The following LINGO2 variants were observed in gnomAD, a reference collection of about 807,000 sequenced individuals.
LINGO2 encodes the protein leucine rich repeat and Ig domain containing 2.
LINGO2 carries 14 observed loss-of-function variants against 30.6 expected under a neutral mutation model. That is an observed-to-expected ratio of 0.46 (90% CI 0.30 to 0.72). The LOEUF (loss-of-function observed/expected upper bound fraction) is 0.72, where lower values mean the gene tolerates loss of function less well. LINGO2 is among the 30% of genes least tolerant of loss of function. The pLI, the probability that LINGO2 is intolerant of heterozygous loss-of-function variation, is 0.07. For missense variants in LINGO2, 729 were observed against 751.7 expected (o/e 0.97, Z 0.35); for synonymous variants, 317 against 288.5 (o/e 1.10, Z -1.00).
chr9:28,650,605 G>A (rs1828052687), intron 1 of LINGO2, among the ~76,000 whole-genome samples: 1 of 152,016 alleles, frequency 6.6e-6, no homozygotes, highest in Non-Finnish European at 1.5e-5. Context: ...TTGTGCTTCT[G>A]ACCTCTCTGA....
At chr9:29,099,318 C>CT in the LINGO2 span, among the ~76,000 whole-genome samples, 2 of 152,106 alleles carry the variant, frequency 1.3e-5, no homozygotes, top group South Asian at 4.1e-4. Context: ...GGATGCTGGA[C>CT]TGGGCAAAGA....
chr9:29,028,541 C>T, the LINGO2 span, among the ~76,000 whole-genome samples: 2 of 152,034 alleles, frequency 1.3e-5, no homozygotes, highest in Non-Finnish European at 2.9e-5. Flanking sequence ...CTGCTACTCC[C>T]ATCAAAAGGT....
At chr9:28,905,518 A>G in the LINGO2 span, among the ~76,000 whole-genome samples, 3 of 152,056 alleles carry the variant, frequency 2.0e-5, no homozygotes, top group Non-Finnish European at 2.9e-5. Flanking sequence ...GAAGATATAG[A>G]AATGGACAAA....
chr9:28,110,316 T>C (rs1281762569), intron 4 of LINGO2, among the ~76,000 whole-genome samples: 1 of 152,130 alleles, frequency 6.6e-6, no homozygotes, highest in Non-Finnish European at 1.5e-5. Context: ...AGCAATACCA[T>C]TCAGAACATA....
chr9:28,783,160 A>C, the LINGO2 span, among the ~76,000 whole-genome samples: 1 of 152,212 alleles, frequency 6.6e-6, no homozygotes, highest in Admixed American at 6.5e-5. Flanking sequence ...ACTTAAGCTA[A>C]GATGTGTTGA....
chr9:29,163,844 A>C, the LINGO2 span, among the ~76,000 whole-genome samples: 1 of 152,180 alleles, frequency 6.6e-6, no homozygotes, highest in Non-Finnish European at 1.5e-5. Context: ...TGAATGCAAC[A>C]GTACCTCCCA....
At chr9:27,990,766 T>G (rs1019271344) in intron 5 of LINGO2, among the ~76,000 whole-genome samples, 1 of 152,094 alleles carries the variant, frequency 6.6e-6, no homozygotes, top group African/African-American at 2.4e-5. Flanking sequence ...TTAACCACTC[T>G]GATATACTAC....
At chr9:28,838,102 A>C in the LINGO2 span, among the ~76,000 whole-genome samples, 1 of 152,264 alleles carries the variant, frequency 6.6e-6, no homozygotes, top group South Asian at 2.1e-4. Flanking sequence ...CACAGGTCAA[A>C]ACTGGCTTCA....
At chr9:28,029,521 ACT>A (rs1473657194) in intron 4 of LINGO2, among the ~76,000 whole-genome samples, 3 of 152,076 alleles carry the variant, frequency 2.0e-5, no homozygotes, top group South Asian at 2.1e-4. Context: ...GAAATTTACC[ACT>A]CTGAGTACCA....
At chr9:28,124,952 T>G (rs1459776271) in intron 4 of LINGO2, among the ~76,000 whole-genome samples, 2 of 152,216 alleles carry the variant, frequency 1.3e-5, no homozygotes, top group African/African-American at 4.8e-5. Flanking sequence ...GGCTGTGTAT[T>G]ATTCACACTA....
At chr9:28,493,069 A>G (rs527889611) in intron 1 of LINGO2, among the ~76,000 whole-genome samples, 1 of 152,220 alleles carries the variant, frequency 6.6e-6, no homozygotes, top group East Asian at 1.9e-4. Context: ...TGTGTTTCTT[A>G]AAGGAAACAA....
the LINGO2 span, among the ~76,000 whole-genome samples, chr9:29,075,711 G>A: frequency 1.3e-5 from 2 of 151,970 alleles, no homozygotes; most frequent in South Asian, 2.1e-4. Flanking sequence ...TGTATGCTTC[G>A]AAGAGACAAG....
At chr9:28,101,392 C>T (rs757510830) in intron 4 of LINGO2, among the ~76,000 whole-genome samples, 3 of 152,086 alleles carry the variant, frequency 2.0e-5, no homozygotes, top group Non-Finnish European at 4.4e-5. Context: ...TAAGACAGCA[C>T]TTCAAAATAA....
At chr9:28,503,074 T>C (rs983403858) in intron 1 of LINGO2, among the ~76,000 whole-genome samples, 5 of 152,070 alleles carry the variant, frequency 3.3e-5, no homozygotes, top group Admixed American at 6.6e-5. Context: ...AAAATAAATT[T>C]GCATACTAAG....
At chr9:28,616,868 T>C (rs767345712) in intron 1 of LINGO2, among the ~76,000 whole-genome samples, 2 of 152,204 alleles carry the variant, frequency 1.3e-5, no homozygotes. Flanking sequence ...TTTTAAAGTT[T>C]CCCCTTTCAA....
At chr9:28,119,447 C>G (rs1329293838) in intron 4 of LINGO2, among the ~76,000 whole-genome samples, 1 of 152,178 alleles carries the variant, frequency 6.6e-6, no homozygotes, top group Non-Finnish European at 1.5e-5. Context: ...TATACTTGGG[C>G]AGGTTAATAC....
chr9:29,126,450 T>C, the LINGO2 span, among the ~76,000 whole-genome samples: 1 of 152,124 alleles, frequency 6.6e-6, no homozygotes, highest in Admixed American at 6.6e-5. Flanking sequence ...AAGTAAGCTT[T>C]TTGGGGTACT....
the LINGO2 span, among the ~76,000 whole-genome samples, chr9:28,747,934 A>C: frequency 0.017 from 2,648 of 152,186 alleles, 91 homozygotes; most frequent in African/African-American, 0.061. Flanking sequence ...ACTTGCTTTT[A>C]TTTTGGGAGA....
the LINGO2 span, among the ~76,000 whole-genome samples, chr9:28,693,709 T>C: frequency 6.6e-6 from 1 of 152,128 alleles, no homozygotes; most frequent in Non-Finnish European, 1.5e-5. Flanking sequence ...CAATCTAATA[T>C]CAATAGCCCT....
Sources: gnomAD v4.1 joint callset for allele counts (sites outside exome capture counted in the v4.1 genomes callset) on GRCh38, gnomAD v4.1.1 for gene constraint, MANE v1.5 for transcripts, NCBI Gene and HGNC (gene_info 2026-07-23, HGNC 2026-07-21) for gene names.